The following TRPV2 variants were observed in gnomAD, a reference collection of about 807,000 sequenced individuals.
The protein encoded by TRPV2 is transient receptor potential cation channel subfamily V member 2.
A neutral mutation model predicts 91.0 loss-of-function variants in TRPV2; 58 were observed. The observed-to-expected ratio is 0.64, with a 90% confidence interval of 0.52 to 0.79. The LOEUF is 0.79. TRPV2 is among the 30% of genes least tolerant of loss of function. The probability of loss-of-function intolerance (pLI) is 0.00; values close to 1 mark genes in which losing one functional copy is unlikely to be tolerated. For missense variants in TRPV2, 807 were observed against 969.6 expected, an observed-to-expected ratio of 0.83 and a Z score of 2.23; for synonymous variants, 417 against 414.8, an observed-to-expected ratio of 1.01 and a Z score of -0.06.
intron 3 of TRPV2, 30 bp downstream of exon 3, chr17:16,420,278 G>A: frequency 6.3e-7 from 1 of 1,576,288 alleles, no homozygotes; most frequent in Non-Finnish European, 8.7e-7. Context: ...TCCAAGGCTA[G>A]GCATCCTGTG....
At chr17:16,420,329 C>A in intron 3 of TRPV2, 81 bp downstream of exon 3, 1 of 1,515,994 alleles carries the variant, frequency 6.6e-7, no homozygotes, top group South Asian at 1.3e-5. Flanking sequence ...GATCCCTGGT[C>A]AGGAGCTGAG....
In TRPV2 at chr17:16,434,833, G is replaced by C. The variant is rs369166080; in HGVS notation, c.2115-57G>C. ...TTTGGGGGGCCACGCCCCTCTCCGG[G>C]GTGGGAGGGGAGGCGGTCAAAGCAG... On this transcript the variant is annotated intron_variant, in intron 13 of 14. Coordinates refer to ENST00000338560, the MANE Select transcript of TRPV2 (RefSeq NM_016113.5). 7 of 1,538,220 alleles carry C rather than the reference G, an allele frequency of 4.6e-6. No homozygotes were observed. The Admixed American group carries it at 1.2e-4, about 27-fold the overall frequency.
At chr17:16,430,903 A>G (rs2093406685) in intron 10 of TRPV2, among the ~76,000 whole-genome samples, 1 of 152,084 alleles carries the variant, frequency 6.6e-6, no homozygotes, top group East Asian at 1.9e-4. Flanking sequence ...CATTGTGAAT[A>G]ATGCTGCTAC....
chr17:16,428,029 T>C (rs1168420584), intron 8 of TRPV2, among the ~76,000 whole-genome samples: 1 of 152,014 alleles, frequency 6.6e-6, no homozygotes, highest in African/African-American at 2.4e-5. Context: ...GGCTGGGGTA[T>C]GGGTGCTCCC....
chr17:16,420,339 G>GAACACTCACTCCTCA, intron 3 of TRPV2, 91 bp downstream of exon 3: 1 of 1,470,898 alleles, frequency 6.8e-7, no homozygotes, highest in Non-Finnish European at 9.3e-7. Flanking sequence ...CAGGAGCTGA[G>GAACACTCACTCCTCA]GAGTGAGTGT....
In TRPV2 at chr17:16,422,837, C is replaced by T. The variant is rs1359752526; in HGVS notation, c.573C>T (p.Ala191=). 3 of 1,573,592 alleles carry T rather than the reference C, an allele frequency of 1.9e-6. No individual in the cohort carries two copies. The South Asian group carries it at 3.5e-5, about 18-fold the overall frequency. ...TGGAGAATGGGGCCAATGTGCATGC[C>T]CGGGCCTGCGGCCGCTTCTTCCAGA... ...LLVENGANVH[A]RACGRFFQKG... The change falls in exon 4 of 15, where the codon GCC becomes GCT. Residue 191 remains alanine (A), a synonymous_variant. Coordinates refer to ENST00000338560, the MANE Select transcript of TRPV2 (RefSeq NM_016113.5).
At chr17:16,429,540 C>G (rs2093400228) in intron 10 of TRPV2, among the ~76,000 whole-genome samples, 1 of 152,170 alleles carries the variant, frequency 6.6e-6, no homozygotes, top group Non-Finnish European at 1.5e-5. Flanking sequence ...TGGCTGGGAC[C>G]AAGTACCCTT....
At position 16,419,169 on chromosome 17, in the gene TRPV2, G is replaced by A. The variant is rs150890761; in HGVS notation, c.201-946G>A. On this transcript the variant is annotated intron_variant, in intron 2 of 14. Coordinates refer to ENST00000338560, the MANE Select transcript of TRPV2 (RefSeq NM_016113.5). ...ATAGCACCCCCTGTTCTTTGTCTTC[G>A]CATATCTGCTGGTGGTGGTACCAGA... 7.8e-4 allele frequency among the ~76,000 whole-genome samples: 118 copies of A among 152,194 alleles called. 2 individuals carry two copies. In the East Asian group the frequency reaches 0.019, roughly 25 times the overall value.
Position 16,428,325 on chromosome 17 carries a change from C to A in TRPV2, c.1359C>A (p.Tyr453Ter), listed in dbSNP as rs1307930628. ...GIYLLVGQLW[Y>*]FWRRHVFIWI... is the part of the protein sequence containing the mutation. Reference sequence around the variant, plus strand: ...CCTCCCTTCCTCCGCAGCTGTGGTACTTCTGGCGGCGCCACGTGTTCATCT... The same window carrying A: ...CCTCCCTTCCTCCGCAGCTGTGGTAATTCTGGCGGCGCCACGTGTTCATCT... Residue 453 changes from tyrosine to a stop codon, truncating the protein, a stop_gained, in exon 9 of 15, where the codon TAC becomes TAA. Transcript: ENST00000338560. LOFTEE classifies it high-confidence loss of function. The A allele has an allele frequency of 1.2e-6, 2 of 1,614,192 alleles. No homozygotes were observed. Among genetic ancestry groups the A allele is most frequent in the Non-Finnish European group, 8.5e-7 (1 of 1,180,028 alleles).
Position 16,426,184 on chromosome 17 carries a change from G to T in TRPV2, c.1010G>T (p.Arg337Leu). The change falls in exon 6 of 15, where the codon CGG becomes CTG. Residue 337 changes from arginine to leucine, a missense_variant. Coordinates refer to ENST00000338560, the MANE Select transcript of TRPV2 (RefSeq NM_016113.5). This position sits in a 1 kb window ranked among gnomAD's most constrained non-coding sequence, Gnocchi z 6.0. ...KFTEWCYGPV[R>L]VSLYDLASVD... is the part of the protein sequence containing the mutation. ...ACCGAGTGGTGCTATGGGCCTGTCC[G>T]GGTGTCGCTGTATGACCTGGCTTCT... is the stretch of plus-strand genomic sequence containing the variant. 1 of 1,614,220 alleles carries T rather than the reference G, an allele frequency of 6.2e-7. No individual in the cohort carries two copies. Among genetic ancestry groups the T allele is most frequent in the Non-Finnish European group, 8.5e-7 (1 of 1,180,036 alleles).
At chr17:16,436,364 T>C (rs1416960406) in intron 14 of TRPV2, among the ~76,000 whole-genome samples, 1 of 152,200 alleles carries the variant, frequency 6.6e-6, no homozygotes, top group Non-Finnish European at 1.5e-5. Context: ...TCCATCCACA[T>C]GTCTGCAGTA....
Position 16,427,438 on chromosome 17 carries a change from T to A in TRPV2, c.1252-11T>A. 1 of 1,612,712 alleles carries A rather than the reference T, an allele frequency of 6.2e-7. No homozygotes were observed. Among genetic ancestry groups the A allele is most frequent in the Non-Finnish European group, 8.5e-7 (1 of 1,179,188 alleles). ...CCCAAGGCCCTAGGTCTCATCTGAG[T>A]GTGTCTTCAGCAGGCCGCCCCTCAC... On this transcript the variant is annotated splice_polypyrimidine_tract_variant and intron_variant, in intron 7 of 14. Transcript: ENST00000338560.
At position 16,427,404 on chromosome 17, in the gene TRPV2, G is replaced by T. The variant is rs773813089; in HGVS notation, c.1252-45G>T. ...TTCAGCTCTGAAGGGTGAGCTGTTC[G>T]AGAGAGGACCCAAGGCCCTAGGTCT... On this transcript the variant is annotated intron_variant, in intron 7 of 14. Transcript: ENST00000338560. 2.8e-5 allele frequency: 44 copies of T among 1,587,322 alleles called. 1 individual carries two copies. The South Asian group carries it at 4.8e-4, about 17-fold the overall frequency.
chr17:16,418,923 A>G (rs2093343574), intron 2 of TRPV2, among the ~76,000 whole-genome samples: 1 of 152,022 alleles, frequency 6.6e-6, no homozygotes, highest in South Asian at 2.1e-4. Flanking sequence ...TGTTGGCTTA[A>G]AAAGTCTACC....
intron 13 of TRPV2, 111 bp from the exon 14 acceptor site, chr17:16,434,779 C>T: frequency 2.0e-6 from 2 of 1,015,632 alleles, no homozygotes; most frequent in Admixed American, 2.4e-5. Flanking sequence ...CCTCTGTGTC[C>T]ACCAGAGCAT....
intron 10 of TRPV2, among the ~76,000 whole-genome samples, chr17:16,431,456 C>T (rs2093412230): frequency 6.6e-6 from 1 of 151,310 alleles, no homozygotes; most frequent in South Asian, 2.1e-4. Context: ...CACCACTGCA[C>T]CTGGCTAATT....
intron 10 of TRPV2, among the ~76,000 whole-genome samples, chr17:16,430,676 G>A (rs941076057): frequency 1.3e-5 from 2 of 151,566 alleles, no homozygotes; most frequent in African/African-American, 4.9e-5. Context: ...TAGTAGAGAC[G>A]GAGTTTTGCC....
rs1173982759 is a variant in TRPV2, at chr17:16,435,588, C to A, written c.2194+619C>A. Among the ~76,000 whole-genome samples, 2 of 152,118 alleles carry A rather than the reference C, an allele frequency of 1.3e-5. No individual in the cohort carries two copies. The highest frequency in any genetic ancestry group is 4.8e-5 in the African/African-American group (2 of 41,408). ...GGTTCCTTCCTCCCACCCTCAGAGGCCTGTTCTGAGGATTAGCTGTCCCCA... is the reference window on the plus strand; with the variant it reads ...GGTTCCTTCCTCCCACCCTCAGAGGACTGTTCTGAGGATTAGCTGTCCCCA... On this transcript the variant is annotated intron_variant, in intron 14 of 14. Transcript: ENST00000338560. The surrounding 1 kb of genome is among the most constrained non-coding windows in gnomAD (Gnocchi z 4.2).
At chr17:16,433,524 C>A in intron 12 of TRPV2, 50 bp from the exon 13 acceptor site, 1 of 1,601,772 alleles carries the variant, frequency 6.2e-7, no homozygotes. Flanking sequence ...GTGCCTTTGC[C>A]CCCAGGCAGG....
Sources: gnomAD v4.1 joint callset for allele counts (sites outside exome capture counted in the v4.1 genomes callset) on GRCh38, gnomAD v4.1.1 for gene constraint, Gnocchi (gnomAD v3.1) non-coding constraint, MANE v1.5 for transcripts, NCBI Gene and HGNC (gene_info 2026-07-23, HGNC 2026-07-21) for gene names.